CDH12: variants seen among roughly 807,000 people sequenced by gnomAD.
CDH12 encodes the protein cadherin 12.
CDH12 carries 41 observed loss-of-function variants against 74.1 expected under a neutral mutation model. The observed-to-expected ratio is 0.55, with a 90% CI of 0.43 to 0.72. The LOEUF (loss-of-function observed/expected upper bound fraction) is 0.72. CDH12 is among the 30% of genes least tolerant of loss of function. CDH12 has a pLI of 0.00. For missense variants in CDH12, 945 were observed against 977.2 expected (o/e 0.97, Z 0.44); for synonymous variants, 399 against 355.0 (o/e 1.12, Z -1.39).
chr5:21,964,760 T>A (rs1313573432), intron 6 of CDH12, among the ~76,000 whole-genome samples: 2 of 152,018 alleles, frequency 1.3e-5, no homozygotes, highest in Non-Finnish European at 2.9e-5. Context: ...ATTTATGCAT[T>A]ATATTTAAGC....
intron 4 of CDH12, among the ~76,000 whole-genome samples, chr5:22,126,138 T>C (rs1244908091): frequency 2.0e-5 from 3 of 152,150 alleles, no homozygotes; most frequent in South Asian, 4.1e-4. Flanking sequence ...TGCATATATA[T>C]AAGTACACAT....
At chr5:22,783,992 C>T (rs770509793) in intron 1 of CDH12, among the ~76,000 whole-genome samples, 1 of 152,082 alleles carries the variant, frequency 6.6e-6, no homozygotes, top group East Asian at 1.9e-4. Context: ...ATGCCTCACT[C>T]ACTGGAAGAG....
intron 2 of CDH12, among the ~76,000 whole-genome samples, chr5:22,413,306 AT>A (rs1345872150): frequency 6.6e-6 from 1 of 152,066 alleles, no homozygotes; most frequent in Non-Finnish European, 1.5e-5. Context: ...ATGCATTAGA[AT>A]TTAAGAACAA....
chr5:22,722,720 G>T (rs1743963391), intron 1 of CDH12, among the ~76,000 whole-genome samples: 1 of 152,152 alleles, frequency 6.6e-6, no homozygotes, highest in Non-Finnish European at 1.5e-5. Context: ...TGAAACAGAT[G>T]TATATCCATA....
At chr5:22,824,103 G>C (rs145576235) in intron 1 of CDH12, among the ~76,000 whole-genome samples, 23 of 152,176 alleles carry the variant, frequency 1.5e-4, no homozygotes, top group African/African-American at 5.5e-4. Flanking sequence ...ACTTACATCT[G>C]ACTAATCATA....
At chr5:22,755,014 A>G (rs1367988185) in intron 1 of CDH12, among the ~76,000 whole-genome samples, 2 of 152,198 alleles carry the variant, frequency 1.3e-5, no homozygotes, top group South Asian at 2.1e-4. Context: ...ACTTACAAAC[A>G]GTAATTGATG....
intron 3 of CDH12, among the ~76,000 whole-genome samples, chr5:22,321,644 TA>T (rs540108647): frequency 1.8e-4 from 27 of 151,396 alleles, no homozygotes; most frequent in South Asian, 4.2e-4. Flanking sequence ...TAAAGTATAA[TA>T]AAAAAAATAA....
At chr5:22,439,822 C>G (rs1186696684) in intron 2 of CDH12, among the ~76,000 whole-genome samples, 4 of 152,048 alleles carry the variant, frequency 2.6e-5, no homozygotes, top group Non-Finnish European at 5.9e-5. Flanking sequence ...CTGAATTAGG[C>G]AGTATCATCA....
chr5:21,957,672 T>G (rs989488627), intron 6 of CDH12, among the ~76,000 whole-genome samples: 2 of 152,178 alleles, frequency 1.3e-5, no homozygotes, highest in Non-Finnish European at 2.9e-5. Flanking sequence ...TCAGTGATAT[T>G]GAGTTTGTTT....
intron 3 of CDH12, among the ~76,000 whole-genome samples, chr5:22,321,067 T>G (rs1238738084): frequency 6.6e-6 from 1 of 152,224 alleles, no homozygotes; most frequent in Non-Finnish European, 1.5e-5. Context: ...ATTATCATTC[T>G]GTGAAACTTT....
At chr5:22,440,182 A>T (rs1744568232) in intron 2 of CDH12, among the ~76,000 whole-genome samples, 1 of 152,160 alleles carries the variant, frequency 6.6e-6, no homozygotes, top group South Asian at 2.1e-4. Flanking sequence ...TCAAAAATAT[A>T]TGTGGCATGG....
intron 3 of CDH12, among the ~76,000 whole-genome samples, chr5:22,369,993 GT>G: frequency 6.6e-6 from 1 of 152,012 alleles, no homozygotes; most frequent in Admixed American, 6.5e-5. Flanking sequence ...CAATATACAT[GT>G]TTTATGTACT....
At chr5:21,995,050 G>C (rs866192005) in intron 5 of CDH12, among the ~76,000 whole-genome samples, 2 of 152,018 alleles carry the variant, frequency 1.3e-5, no homozygotes, top group Middle Eastern at 6.3e-3. Flanking sequence ...AGGGTCTGCC[G>C]CTTCACACCT....
intron 1 of CDH12, among the ~76,000 whole-genome samples, chr5:22,617,047 A>AT (rs897415355): frequency 3.3e-5 from 5 of 151,304 alleles, no homozygotes; most frequent in African/African-American, 7.3e-5. Context: ...TGTGTTTTTA[A>AT]TTTTTTTTGT....
At chr5:22,808,865 C>T (rs1748965435) in intron 1 of CDH12, among the ~76,000 whole-genome samples, 1 of 147,388 alleles carries the variant, frequency 6.8e-6, no homozygotes, top group Non-Finnish European at 1.5e-5. Context: ...CCTCAGCCTC[C>T]TGAAGTGCTG....
chr5:22,752,529 A>G (rs1321052500), intron 1 of CDH12, among the ~76,000 whole-genome samples: 1 of 141,796 alleles, frequency 7.1e-6, no homozygotes, highest in East Asian at 2.0e-4. Context: ...TGATGAAGAA[A>G]GCAGATAGGA....
intron 3 of CDH12, among the ~76,000 whole-genome samples, chr5:22,314,449 A>T (rs1259468652): frequency 6.6e-6 from 1 of 152,162 alleles, no homozygotes; most frequent in Non-Finnish European, 1.5e-5. Context: ...CAGAGAAAAA[A>T]GCCATGCTTG....
intron 1 of CDH12, among the ~76,000 whole-genome samples, chr5:22,723,323 T>C (rs1743995815): frequency 6.6e-6 from 1 of 152,120 alleles, no homozygotes; most frequent in South Asian, 2.1e-4. Context: ...TTTTACTTTG[T>C]ATGAAAAGTA....
At chr5:21,877,608 A>T (rs1447707120) in intron 6 of CDH12, among the ~76,000 whole-genome samples, 1 of 152,210 alleles carries the variant, frequency 6.6e-6, no homozygotes, top group South Asian at 2.1e-4. Context: ...GCTCAATGTC[A>T]ATAGTTACAA....
Sources: gnomAD v4.1 joint callset for allele counts (sites outside exome capture counted in the v4.1 genomes callset) on GRCh38, gnomAD v4.1.1 for gene constraint, MANE v1.5 for transcripts, NCBI Gene and HGNC (gene_info 2026-07-23, HGNC 2026-07-21) for gene names.